The following CDKL2 variants were observed in gnomAD, a reference collection of about 807,000 sequenced individuals.
The protein encoded by CDKL2 is cyclin dependent kinase like 2, also known as cyclin-dependent kinase-like 2.
In CDKL2, 64 loss-of-function variants were observed where a neutral mutation model predicts 63.9. The ratio of observed to expected loss-of-function variants is 1.00; its 90% CI spans 0.82 to 1.23. CDKL2 has a LOEUF of 1.23. CDKL2 is among the 50% of genes most tolerant of loss of function. The pLI, the probability that CDKL2 is intolerant of heterozygous loss-of-function variation, is 0.00. For synonymous variants in CDKL2, 211 were observed against 229.2 expected (o/e 0.92, Z 0.72); for missense variants, 656 against 668.0 (o/e 0.98, Z 0.20).
intron 12 of CDKL2, among the ~76,000 whole-genome samples, chr4:75,589,604 G>A (rs1360959218): frequency 2.6e-5 from 4 of 151,956 alleles, no homozygotes; most frequent in African/African-American, 7.3e-5. Context: ...GCGCCCGGCC[G>A]ATAGTTTCTT....
chr4:75,600,738 C>T (rs558733543), intron 6 of CDKL2, among the ~76,000 whole-genome samples: 99 of 152,224 alleles, frequency 6.5e-4, no homozygotes, highest in African/African-American at 2.2e-3. Context: ...GGATTACCAG[C>T]GCAAGCCACC....
At chr4:75,621,569 G>C (rs1730160275) in intron 2 of CDKL2, among the ~76,000 whole-genome samples, 1 of 151,684 alleles carries the variant, frequency 6.6e-6, no homozygotes, top group Non-Finnish European at 1.5e-5. Context: ...ACAGTGCCCA[G>C]GCTGGAGTGC....
Position 75,596,350 on chromosome 4 carries a change from C to T in CDKL2, c.1323-10G>A, listed in dbSNP as rs533248303. On this transcript the variant is annotated splice_polypyrimidine_tract_variant and intron_variant, in intron 9 of 13. Transcript: ENST00000307465. ...AGTTTTCTCATCCACTCTGTAACGA[C>T]AAAAAAAAATGTTTTTAAGTTAGAA... 1.0e-4 allele frequency: 153 copies of T among 1,477,170 alleles called. 2 individuals are homozygous for T. In the South Asian group the frequency reaches 1.6e-3, roughly 15 times the overall value. 91.5% of individuals were successfully genotyped at this position (1,477,170 alleles called of 1,614,324 possible). A position where few individuals can be genotyped will look rare whatever the true frequency, so the allele number is the denominator to read the frequency against.
chr4:75,626,276 A>G (rs1239030946), intron 1 of CDKL2, among the ~76,000 whole-genome samples: 2 of 152,234 alleles, frequency 1.3e-5, no homozygotes, highest in Non-Finnish European at 2.9e-5. Context: ...TTAACTTTAA[A>G]TTACTAAATG....
intron 2 of CDKL2, among the ~76,000 whole-genome samples, chr4:75,619,577 T>TAAAAAAA (rs71203836): frequency 7.7e-5 from 6 of 78,148 alleles, no homozygotes; most frequent in Admixed American, 1.8e-4. Flanking sequence ...CACAGCTGTA[T>TAAAAAAA]AAAAAAAAAA....
intron 2 of CDKL2, among the ~76,000 whole-genome samples, chr4:75,616,085 AG>A (rs1386244387): frequency 6.6e-6 from 1 of 152,232 alleles, no homozygotes; most frequent in African/African-American, 2.4e-5. Flanking sequence ...AAAATGAAAT[AG>A]AAATAGAATA....
At position 75,614,919 on chromosome 4, in the gene CDKL2, T is replaced by C. The variant is rs530278009; in HGVS notation, c.169-470A>G. Reference sequence around the variant, plus strand: ...TAATGGAAAACTATGTATACATATATATAGTATATATATATATGTATATTC... The same window carrying C: ...TAATGGAAAACTATGTATACATATACATAGTATATATATATATGTATATTC... On this transcript the variant is annotated intron_variant, in intron 2 of 13. Coordinates refer to ENST00000307465, the MANE Select transcript of CDKL2 (RefSeq NM_001330724.2). Among the ~76,000 whole-genome samples the C allele has an allele frequency of 7.4e-5, 11 of 148,426 alleles. No individual in the cohort carries two copies. In the East Asian group the frequency reaches 2.1e-3, roughly 29 times the overall value.
In CDKL2 at chr4:75,577,025, A is replaced by G. The variant is rs1408160231; in HGVS notation, c.*2177T>C. Among the ~76,000 whole-genome samples the G allele has an allele frequency of 3.9e-5, 6 of 152,128 alleles. No individual in the cohort carries two copies. The highest frequency in any genetic ancestry group is 8.8e-5 in the Non-Finnish European group (6 of 68,010). On this transcript the variant is annotated 3_prime_UTR_variant, in exon 14 of 14. Coordinates refer to ENST00000307465, the MANE Select transcript of CDKL2 (RefSeq NM_001330724.2). Reference sequence around the variant, plus strand: ...TTCCAGAAGAATTAACAGATTTAAAACTTATTTGTTAAATACCATACAGTA... The same window carrying G: ...TTCCAGAAGAATTAACAGATTTAAAGCTTATTTGTTAAATACCATACAGTA...
chr4:75,588,042 C>T (rs973215850), intron 12 of CDKL2, among the ~76,000 whole-genome samples: 1 of 151,620 alleles, frequency 6.6e-6, no homozygotes, highest in African/African-American at 2.4e-5. Flanking sequence ...TGGAGAAACA[C>T]CTTCTCTACT....
At chr4:75,627,722 T>TTTTC (rs1260147368) in intron 1 of CDKL2, among the ~76,000 whole-genome samples, 33 of 112,134 alleles carry the variant, frequency 2.9e-4, no homozygotes, top group Middle Eastern at 5.1e-3. Flanking sequence ...TTTTCTTTAC[T>TTTTC]TTTTTTTTCT....
At position 75,607,342 on chromosome 4, in the gene CDKL2, T is replaced by C; in HGVS notation, c.383A>G (p.Lys128Arg). 6.2e-7 allele frequency: 1 copy of C among 1,613,536 alleles called. No homozygotes were observed. The highest frequency in any genetic ancestry group is 8.5e-7 in the Non-Finnish European group (1 of 1,179,656). The change falls in exon 4 of 14, where the codon AAG becomes AGG. Residue 128 changes from lysine (K) to arginine (R), a missense_variant. Coordinates refer to ENST00000307465, the MANE Select transcript of CDKL2 (RefSeq NM_001330724.2). ...HSHNIIHRDI[K>R]PENILVSQSG... is the part of the protein sequence containing the mutation. ...CTGGGAGACTAATATATTCTCTGGC[T>C]TTATATCTCTGTGTATGATCTAGAC...
At chr4:75,612,730 A>C (rs1446560098) in intron 3 of CDKL2, among the ~76,000 whole-genome samples, 2 of 152,258 alleles carry the variant, frequency 1.3e-5, no homozygotes, top group African/African-American at 2.4e-5. Context: ...CGTAACAATT[A>C]TCTCTCTTTG....
intron 10 of CDKL2, among the ~76,000 whole-genome samples, chr4:75,593,567 C>T (rs1334924719): frequency 6.6e-6 from 1 of 152,114 alleles, no homozygotes; most frequent in African/African-American, 2.4e-5. Context: ...CTAAAATTAT[C>T]AGCCAGCATT....
intron 11 of CDKL2, 62 bp downstream of exon 11, chr4:75,592,080 TTCTG>T (rs1728739716): frequency 2.8e-6 from 4 of 1,434,152 alleles, no homozygotes; most frequent in Non-Finnish European, 3.7e-6. Flanking sequence ...TATTTTTAAA[TTCTG>T]TCTAACATAC....
At chr4:75,615,038 G>A (rs1729874859) in intron 2 of CDKL2, among the ~76,000 whole-genome samples, 1 of 136,472 alleles carries the variant, frequency 7.3e-6, no homozygotes, top group Non-Finnish European at 1.6e-5. Context: ...AACAGCATTG[G>A]GGAAGGGCTG....
chr4:75,599,500 G>A (rs1249383595), intron 7 of CDKL2, among the ~76,000 whole-genome samples: 2 of 139,626 alleles, frequency 1.4e-5, no homozygotes, highest in Non-Finnish European at 3.0e-5. Context: ...GGTAGAGGTT[G>A]CAGTGAGCCA....
At chr4:75,583,956 C>T (rs1159058561) in intron 12 of CDKL2, among the ~76,000 whole-genome samples, 1 of 152,088 alleles carries the variant, frequency 6.6e-6, no homozygotes, top group African/African-American at 2.4e-5. Flanking sequence ...TATCAATTAT[C>T]ACATTAAATG....
At chr4:75,618,696 T>G (rs1177474771) in intron 2 of CDKL2, among the ~76,000 whole-genome samples, 2 of 152,192 alleles carry the variant, frequency 1.3e-5, no homozygotes, top group African/African-American at 4.8e-5. Context: ...AAGCTAATTT[T>G]GACATCAAGT....
chr4:75,616,729 A>G (rs1729944706), intron 2 of CDKL2, among the ~76,000 whole-genome samples: 1 of 136,130 alleles, frequency 7.3e-6, no homozygotes, highest in Non-Finnish European at 1.6e-5. Flanking sequence ...GAATTCAAAT[A>G]TCATATAGAA....
Sources: allele counts gnomAD v4.1 joint callset (sites outside exome capture counted in the v4.1 genomes callset), GRCh38; gene constraint gnomAD v4.1.1; transcripts MANE v1.5; gene names NCBI Gene and HGNC (gene_info 2026-07-23, HGNC 2026-07-21).